Variants in GPR89A observed in about 807,000 individuals in gnomAD.
GPR89A encodes golgi pH regulator A, also known as G protein-coupled receptor 89A.
Under a neutral mutation model 52.0 loss-of-function variants are expected in GPR89A, and 16 were observed. The ratio of observed to expected loss-of-function variants is 0.31; its 90% CI spans 0.21 to 0.47. GPR89A has a LOEUF of 0.47. Ranked by LOEUF, GPR89A falls within the 20% of genes least tolerant of loss-of-function variation. GPR89A has a pLI of 1.00. For synonymous variants in GPR89A, 55 were observed against 150.9 expected, an observed-to-expected ratio of 0.36 and a Z score of 4.66; for missense variants, 135 against 449.4, an observed-to-expected ratio of 0.30 and a Z score of 6.33.
rs1311982427 is a variant in GPR89A, at chr1:145,670,295, A to T, written c.*255A>T. 1 of 863,186 alleles carries T rather than the reference A, an allele frequency of 1.2e-6. No homozygotes were observed. Among genetic ancestry groups the T allele is most frequent in the African/African-American group, 1.7e-5 (1 of 58,502 alleles). The allele number at this position is 863,186 out of a possible 1,614,324, so 53.5% of individuals were successfully genotyped here. Reference sequence around the variant, plus strand: ...TCCCGTGTGGATATGAGGCTGGTGTAGAGGCGGAGAGGAGCCAAGAAACTA... The same window carrying T: ...TCCCGTGTGGATATGAGGCTGGTGTTGAGGCGGAGAGGAGCCAAGAAACTA... On this transcript the variant is annotated 3_prime_UTR_variant, in exon 14 of 14. Coordinates refer to ENST00000313835, the MANE Select transcript of GPR89A (RefSeq NM_001097612.2).
At position 145,635,223 on chromosome 1, in the gene GPR89A, G is replaced by A. The variant is rs587657755; in HGVS notation, c.617+3479G>A. Among the ~76,000 whole-genome samples, 866 of 152,238 alleles carry A rather than the reference G, an allele frequency of 5.7e-3. 5 individuals carry two copies. The highest frequency in any genetic ancestry group is 8.5e-3 in the Non-Finnish European group (577 of 67,994). ...AGATCAAGACCATCCTGGCTAATAC[G>A]GTGAAACCCCATCTCTACTAAAGAT... On this transcript the variant is annotated intron_variant, in intron 7 of 13. Coordinates refer to ENST00000313835, the MANE Select transcript of GPR89A (RefSeq NM_001097612.2).
chr1:145,611,023 T>G (rs1176269222), intron 1 of GPR89A, among the ~76,000 whole-genome samples: 3 of 152,176 alleles, frequency 2.0e-5, no homozygotes, highest in Non-Finnish European at 4.4e-5. Flanking sequence ...AGTCTCATTT[T>G]TAATAAGAAG....
chr1:145,615,871 T>C (rs587757847), intron 1 of GPR89A, among the ~76,000 whole-genome samples: 1 of 152,244 alleles, frequency 6.6e-6, no homozygotes, highest in South Asian at 2.1e-4. Flanking sequence ...CTGCCCACCT[T>C]GTCCTCCCAA....
At chr1:145,635,799 A>G (rs1650197363) in intron 7 of GPR89A, among the ~76,000 whole-genome samples, 1 of 152,180 alleles carries the variant, frequency 6.6e-6, no homozygotes, top group Non-Finnish European at 1.5e-5. Context: ...TCTCTAGTAA[A>G]AATACAAAAA....
intron 5 of GPR89A, among the ~76,000 whole-genome samples, chr1:145,629,987 A>G (rs1649784888): frequency 1.3e-5 from 2 of 152,230 alleles, no homozygotes; most frequent in Non-Finnish European, 2.9e-5. Flanking sequence ...TTTTTCTGCA[A>G]TGCCAAACTT....
At chr1:145,646,670 G>T in intron 9 of GPR89A, 1 of 234,554 alleles carries the variant, frequency 4.3e-6, no homozygotes, top group Non-Finnish European at 8.2e-6. Flanking sequence ...AGGTCAATAA[G>T]TGTCGAAACT....
intron 2 of GPR89A, among the ~76,000 whole-genome samples, chr1:145,617,473 G>T (rs1648795630): frequency 6.6e-6 from 1 of 151,706 alleles, no homozygotes. Context: ...AGTTTACAAA[G>T]ATGACGGGAT....
intron 10 of GPR89A, among the ~76,000 whole-genome samples, chr1:145,657,306 G>A (rs1200752069): frequency 2.0e-5 from 3 of 147,948 alleles, no homozygotes; most frequent in Non-Finnish European, 4.5e-5. Flanking sequence ...TGGGAGGATC[G>A]CTTGAGCCCA....
chr1:145,650,139 C>G (rs1190871288), intron 10 of GPR89A, among the ~76,000 whole-genome samples: 4 of 152,056 alleles, frequency 2.6e-5, no homozygotes, highest in Non-Finnish European at 4.4e-5. Context: ...CTCCCTCCCC[C>G]TCCCCGCCTT....
chr1:145,648,893 C>T (rs1651249940), intron 10 of GPR89A, among the ~76,000 whole-genome samples: 1 of 148,830 alleles, frequency 6.7e-6, no homozygotes, highest in South Asian at 2.1e-4. Flanking sequence ...ACCCCTCCGC[C>T]TTCCAGATTC....
chr1:145,615,288 C>A lies in GPR89A; in HGVS notation c.43-946C>A, dbSNP rs587653591. 3.0e-4 allele frequency among the ~76,000 whole-genome samples: 46 copies of A among 152,168 alleles called. No individual in the cohort carries two copies. In the South Asian group the frequency reaches 9.6e-3, roughly 32 times the overall value. On this transcript the variant is annotated intron_variant, in intron 1 of 13. Transcript: ENST00000313835. ...AAAAAATATTAGGCTTTCTACTACT[C>A]CTCTAATTTTGGTCTCAACTCCTCT...
chr1:145,641,696 G>A (rs1347059053), intron 7 of GPR89A, among the ~76,000 whole-genome samples: 1 of 152,070 alleles, frequency 6.6e-6, no homozygotes, highest in African/African-American at 2.4e-5. Context: ...TCAGCCAAGT[G>A]CATATGTTTT....
intron 11 of GPR89A, among the ~76,000 whole-genome samples, chr1:145,664,076 G>T (rs1192192547): frequency 6.7e-6 from 1 of 149,558 alleles, no homozygotes; most frequent in Non-Finnish European, 1.5e-5. Flanking sequence ...CACTTTAATA[G>T]TAAGACCAAT....
At chr1:145,646,534 C>G in intron 9 of GPR89A, 1 of 448,858 alleles carries the variant, frequency 2.2e-6, no homozygotes. Flanking sequence ...GAAGGTGGCA[C>G]GTACCACCTC....
chr1:145,629,265 G>A (rs1486158077), intron 5 of GPR89A, among the ~76,000 whole-genome samples: 1 of 152,162 alleles, frequency 6.6e-6, no homozygotes, highest in East Asian at 1.9e-4. Context: ...GAGACAAGTT[G>A]GGAGGATGAT....
At chr1:145,643,053 A>T (rs1285273666) in intron 7 of GPR89A, among the ~76,000 whole-genome samples, 4 of 119,548 alleles carry the variant, frequency 3.3e-5, no homozygotes, top group East Asian at 5.1e-4. Flanking sequence ...CAATTTTGCT[A>T]TTTTTTTTCC....
intron 7 of GPR89A, among the ~76,000 whole-genome samples, chr1:145,642,350 T>C (rs1158944212): frequency 5.3e-5 from 8 of 151,998 alleles, no homozygotes; most frequent in African/African-American, 1.7e-4. Flanking sequence ...TTACTAAGCC[T>C]TAATCTTACA....
chr1:145,661,339 G>A (rs1485936832), intron 10 of GPR89A, among the ~76,000 whole-genome samples: 1 of 147,204 alleles, frequency 6.8e-6, no homozygotes, highest in Non-Finnish European at 1.5e-5. Context: ...ATAGTTTTAG[G>A]AGATATACCT....
At chr1:145,658,507 G>A (rs1365974666) in intron 10 of GPR89A, among the ~76,000 whole-genome samples, 2 of 150,570 alleles carry the variant, frequency 1.3e-5, no homozygotes, top group Non-Finnish European at 3.0e-5. Context: ...CATGCTTGTG[G>A]CCCCAGCTAC....
Sources: gnomAD v4.1 joint callset for allele counts (sites outside exome capture counted in the v4.1 genomes callset) on GRCh38, gnomAD v4.1.1 for gene constraint, MANE v1.5 for transcripts, NCBI Gene and HGNC (gene_info 2026-07-23, HGNC 2026-07-21) for gene names.